KLRG1: variants seen among roughly 807,000 people sequenced by gnomAD.
KLRG1 encodes killer cell lectin like receptor G1, also known as killer cell lectin-like receptor subfamily G member 1.
KLRG1 carries 16 observed loss-of-function variants against 21.8 expected under a neutral mutation model. The ratio of observed to expected loss-of-function variants is 0.73; its 90% confidence interval spans 0.50 to 1.11. The LOEUF (loss-of-function observed/expected upper bound fraction) is 1.11, where lower values mean the gene tolerates loss of function less well. KLRG1 is among the 50% of genes most tolerant of loss of function. The probability of loss-of-function intolerance (pLI) is 0.00; values close to 1 mark genes in which losing one functional copy is unlikely to be tolerated. For missense variants in KLRG1, 173 were observed against 218.3 expected (o/e 0.79, Z 1.31); for synonymous variants, 69 against 75.9 (o/e 0.91, Z 0.47).
At chr12:9,077,652 T>C in the KLRG1 span, 6 of 1,601,132 alleles carry the variant, frequency 3.7e-6, no homozygotes, top group Non-Finnish European at 5.1e-6. Context: ...ATCCTCATCC[T>C]TGCAGATATC....
At chr12:8,968,070 A>G (rs1404186126) in intron 1 of KLRG1, among the ~76,000 whole-genome samples, 2 of 152,208 alleles carry the variant, frequency 1.3e-5, no homozygotes, top group Non-Finnish European at 1.5e-5. Flanking sequence ...ATTCGGTTTA[A>G]AAAAGAAAAT....
the KLRG1 span, among the ~76,000 whole-genome samples, chr12:9,126,429 G>C: frequency 1.3e-5 from 2 of 152,194 alleles, no homozygotes; most frequent in Non-Finnish European, 2.9e-5. Context: ...TGAGTTTGCT[G>C]TTTCTTCTGT....
At chr12:9,083,541 C>T in the KLRG1 span, among the ~76,000 whole-genome samples, 1 of 151,952 alleles carries the variant, frequency 6.6e-6, no homozygotes. Context: ...CAACAGCAGA[C>T]TTGATCAAGC....
intron 3 of KLRG1, among the ~76,000 whole-genome samples, chr12:8,998,319 A>G (rs987202387): frequency 1.1e-4 from 17 of 151,984 alleles, no homozygotes; most frequent in African/African-American, 4.1e-4. Context: ...GCAGAGTGAG[A>G]CACTGTCTCA....
chr12:8,995,859 T>C (rs751244960), intron 3 of KLRG1, among the ~76,000 whole-genome samples: 2 of 152,082 alleles, frequency 1.3e-5, no homozygotes, highest in African/African-American at 4.8e-5. Flanking sequence ...ATTTTTTGTA[T>C]TTTTAGTAGA....
chr12:8,998,378 C>T (rs922442707), intron 3 of KLRG1, among the ~76,000 whole-genome samples: 1 of 151,780 alleles, frequency 6.6e-6, no homozygotes, highest in African/African-American at 2.4e-5. Context: ...GGCTACAAAT[C>T]TGGCAGAGCC....
the KLRG1 span, among the ~76,000 whole-genome samples, chr12:9,139,235 C>T: frequency 1.3e-5 from 2 of 151,744 alleles, no homozygotes; most frequent in African/African-American, 4.8e-5. Flanking sequence ...TTTATTTTTC[C>T]AGTCTTCCTT....
chr12:9,112,810 C>A, the KLRG1 span: 6 of 416,518 alleles, frequency 1.4e-5, no homozygotes, highest in Non-Finnish European at 2.2e-5. Flanking sequence ...TTCAATTATA[C>A]GCTGAGCTTT....
chr12:9,045,605 G>A, the KLRG1 span, among the ~76,000 whole-genome samples: 147 of 152,236 alleles, frequency 9.7e-4, 1 homozygote, highest in Non-Finnish European at 3.1e-4. Flanking sequence ...TTATGCTAAG[G>A]GATCTAATAG....
chr12:8,987,328 C>G (rs1946859335), upstream of KLRG1: 1 of 152,148 alleles, frequency 6.6e-6, no homozygotes, highest in South Asian at 2.1e-4. Flanking sequence ...GATTAATGTT[C>G]TTGTAAGAAG....
chr12:9,205,100 A>C, the KLRG1 span, among the ~76,000 whole-genome samples: 1 of 152,314 alleles, frequency 6.6e-6, no homozygotes, highest in South Asian at 2.1e-4. Context: ...TTCAAAAAAA[A>C]ACAAAACAAA....
the KLRG1 span, chr12:9,058,360 C>T: frequency 3.9e-5 from 6 of 152,060 alleles, no homozygotes; most frequent in African/African-American, 1.4e-4. Context: ...CCTTGATTAC[C>T]AACTTTCAAC....
chr12:8,983,545 C>T (rs765595962), intron 1 of KLRG1, among the ~76,000 whole-genome samples: 2 of 151,792 alleles, frequency 1.3e-5, no homozygotes, highest in South Asian at 2.1e-4. Context: ...AGATTACAGG[C>T]GCCTGCCACC....
the KLRG1 span, among the ~76,000 whole-genome samples, chr12:9,035,785 G>A: frequency 1.3e-5 from 2 of 151,272 alleles, no homozygotes; most frequent in African/African-American, 4.9e-5. Context: ...AAGAAAATGT[G>A]GTACATCTAC....
At chr12:9,169,074 A>G in the KLRG1 span, 1 of 807,362 alleles carries the variant, frequency 1.2e-6, no homozygotes, top group Non-Finnish European at 2.0e-6. Context: ...GTATCCTTAT[A>G]TTAATTCTAT....
chr12:9,202,874 A>C, the KLRG1 span, among the ~76,000 whole-genome samples: 1 of 152,176 alleles, frequency 6.6e-6, no homozygotes, highest in African/African-American at 2.4e-5. Context: ...AGTGGCCATC[A>C]ATAGAACCCA....
the KLRG1 span, chr12:9,165,438 T>A: frequency 6.5e-7 from 1 of 1,543,646 alleles, no homozygotes; most frequent in Non-Finnish European, 8.9e-7. Flanking sequence ...AGAATTAATA[T>A]GCATAAAGCT....
the KLRG1 span, chr12:9,149,527 C>T: frequency 1.9e-6 from 3 of 1,587,152 alleles, no homozygotes; most frequent in Admixed American, 5.3e-5. Flanking sequence ...GGGTTAATGC[C>T]ATCTAGTACT....
the KLRG1 span, among the ~76,000 whole-genome samples, chr12:9,168,213 A>T: frequency 6.6e-6 from 1 of 152,228 alleles, no homozygotes; most frequent in Non-Finnish European, 1.5e-5. Flanking sequence ...TTTGAGGCTT[A>T]GAGAGGAGAT....
Sources: gnomAD v4.1 joint callset for allele counts (sites outside exome capture counted in the v4.1 genomes callset) on GRCh38, gnomAD v4.1.1 for gene constraint, MANE v1.5 for transcripts, NCBI Gene and HGNC (gene_info 2026-07-23, HGNC 2026-07-21) for gene names.